The following UBE2V2 variants were observed in gnomAD, a reference collection of about 807,000 sequenced individuals.
UBE2V2 encodes ubiquitin-conjugating enzyme E2 variant 2.
A neutral mutation model predicts 17.2 loss-of-function variants in UBE2V2; 9 were observed. That is an observed-to-expected ratio of 0.52 (90% CI 0.32 to 0.91). The LOEUF (loss-of-function observed/expected upper bound fraction) is 0.91. Among genes scored for constraint, UBE2V2 ranks in the 40% least tolerant of loss-of-function variants. UBE2V2 has a pLI of 0.04. For synonymous variants in UBE2V2, 61 were observed against 57.5 expected (o/e 1.06, Z -0.28); for missense variants, 133 against 182.6 (o/e 0.73, Z 1.56).
intron 1 of UBE2V2, among the ~76,000 whole-genome samples, chr8:48,038,100 C>A (rs752571235): frequency 1.3e-5 from 2 of 152,168 alleles, no homozygotes; most frequent in Admixed American, 1.3e-4. Context: ...CCGTCCAATC[C>A]TCCCTTTTCT....
chr8:48,017,773 A>G (rs746923478), intron 1 of UBE2V2, among the ~76,000 whole-genome samples: 7 of 150,728 alleles, frequency 4.6e-5, no homozygotes, highest in Non-Finnish European at 7.4e-5. Flanking sequence ...TTGAGGTCAT[A>G]TCCTCCAAAA....
intron 1 of UBE2V2, among the ~76,000 whole-genome samples, chr8:48,011,583 C>T (rs2091232004): frequency 1.3e-5 from 2 of 152,192 alleles, no homozygotes; most frequent in Admixed American, 6.6e-5. Flanking sequence ...GTTCAGTGTG[C>T]ATCATATACC....
intron 1 of UBE2V2, among the ~76,000 whole-genome samples, chr8:48,025,067 T>C (rs1376257884): frequency 6.6e-6 from 1 of 151,824 alleles, no homozygotes; most frequent in Non-Finnish European, 1.5e-5. Context: ...CCCGAGTAGC[T>C]GGAACTACAG....
In UBE2V2 at chr8:48,064,494, A is replaced by G. The variant is rs1016711168; in HGVS notation, c.*3666A>G. The G allele has an allele frequency of 6.6e-6, 1 of 152,220 alleles. No homozygotes were observed. The highest frequency in any genetic ancestry group is 2.4e-5 in the African/African-American group (1 of 41,462). The allele number at this position is 152,220 out of a possible 1,614,324, so 9.4% of individuals were successfully genotyped here. A position where few individuals can be genotyped will look rare whatever the true frequency, so the allele number is the denominator to read the frequency against. On this transcript the variant is annotated 3_prime_UTR_variant, in exon 4 of 4. Transcript: ENST00000523111. ...TAAAATAGGAAATGCATAGGAAGGA[A>G]TACCTCCTAAATAATATGCCTTATA...
At chr8:48,002,526 A>C in the UBE2V2 span, among the ~76,000 whole-genome samples, 1 of 151,858 alleles carries the variant, frequency 6.6e-6, no homozygotes, top group African/African-American at 2.4e-5. Context: ...GGTGGCTCAC[A>C]CCTGTAATCC....
chr8:48,057,362 C>T (rs1311855432), intron 3 of UBE2V2, among the ~76,000 whole-genome samples: 1 of 151,920 alleles, frequency 6.6e-6, no homozygotes, highest in African/African-American at 2.4e-5. Flanking sequence ...AGTGCAGTGG[C>T]GTGATCTCAG....
At chr8:47,999,049 G>A in the UBE2V2 span, among the ~76,000 whole-genome samples, 257 of 152,314 alleles carry the variant, frequency 1.7e-3, no homozygotes, top group African/African-American at 5.7e-3. Flanking sequence ...TATGCGGTCT[G>A]AGTGGTTTGT....
At chr8:48,000,555 C>T in the UBE2V2 span, among the ~76,000 whole-genome samples, 1 of 152,140 alleles carries the variant, frequency 6.6e-6, no homozygotes, top group South Asian at 2.1e-4. Flanking sequence ...GGTGCAGTGG[C>T]TCATGCCTGT....
the UBE2V2 span, among the ~76,000 whole-genome samples, chr8:47,999,551 G>A: frequency 3.9e-4 from 59 of 151,736 alleles, no homozygotes; most frequent in African/African-American, 1.4e-3. Flanking sequence ...TAGTAGAGAC[G>A]GGGTTTCACC....
the UBE2V2 span, among the ~76,000 whole-genome samples, chr8:48,001,775 A>C: frequency 6.6e-6 from 1 of 152,226 alleles, no homozygotes; most frequent in East Asian, 1.9e-4. Flanking sequence ...CAAAAGCAAG[A>C]AAGCAAATAA....
chr8:48,058,888 G>A (rs916637753), intron 3 of UBE2V2, among the ~76,000 whole-genome samples: 1 of 151,724 alleles, frequency 6.6e-6, no homozygotes, highest in Non-Finnish European at 1.5e-5. Context: ...TTGTGTTTCT[G>A]GGATAGGTCC....
Position 48,062,547 on chromosome 8 carries a change from A to G in UBE2V2, c.*1719A>G, listed in dbSNP as rs752387998. 2.7e-5 allele frequency: 4 copies of G among 149,978 alleles called. No individual in the cohort carries two copies. Among genetic ancestry groups the G allele is most frequent in the Non-Finnish European group, 4.4e-5 (3 of 67,726 alleles). 9.3% of individuals were successfully genotyped at this position (149,978 alleles called of 1,614,324 possible). ...ACAGAGGTTGCAGTGCCGAGAGCGC[A>G]CCACTGCTCCAGCCTGGGCAACAGA... On this transcript the variant is annotated 3_prime_UTR_variant, in exon 4 of 4. Coordinates refer to ENST00000523111, the MANE Select transcript of UBE2V2 (RefSeq NM_003350.3).
intron 1 of UBE2V2, among the ~76,000 whole-genome samples, chr8:48,015,328 GA>G (rs2154506775): frequency 6.6e-6 from 1 of 152,158 alleles, no homozygotes; most frequent in South Asian, 2.1e-4. Flanking sequence ...AGTGAGCTGT[GA>G]TCGTGTCACT....
intron 1 of UBE2V2, among the ~76,000 whole-genome samples, chr8:48,021,228 C>T (rs1225098343): frequency 6.6e-6 from 1 of 151,678 alleles, no homozygotes; most frequent in Non-Finnish European, 1.5e-5. Context: ...CAGGTGGCCG[C>T]CACCACGCCC....
At chr8:48,029,063 A>G (rs987710726) in intron 1 of UBE2V2, among the ~76,000 whole-genome samples, 5 of 152,136 alleles carry the variant, frequency 3.3e-5, no homozygotes, top group Admixed American at 2.0e-4. Flanking sequence ...TTTAAAAACA[A>G]TAATGTTCAG....
intron 1 of UBE2V2, among the ~76,000 whole-genome samples, chr8:48,023,341 G>C (rs978979853): frequency 6.6e-6 from 1 of 151,590 alleles, no homozygotes; most frequent in African/African-American, 2.4e-5. Flanking sequence ...TCAGCCTCCT[G>C]AGTAGCTGTG....
At chr8:48,044,004 GTC>G (rs2091482056) in intron 2 of UBE2V2, among the ~76,000 whole-genome samples, 1 of 149,460 alleles carries the variant, frequency 6.7e-6, no homozygotes, top group South Asian at 2.1e-4. Context: ...TTTGAAATTT[GTC>G]TCTCTAATGT....
Position 48,060,961 on chromosome 8 carries a change from A to C in UBE2V2, c.*133A>C. On this transcript the variant is annotated 3_prime_UTR_variant, in exon 4 of 4. Transcript: ENST00000523111. ...GGTAAACATGACCTGGACATTTGTA[A>C]GAATATATTTAATATATGTACACCC... 2 of 835,756 alleles carry C rather than the reference A, an allele frequency of 2.4e-6. No individual in the cohort carries two copies. The highest frequency in any genetic ancestry group is 3.3e-6 in the Non-Finnish European group (2 of 608,882). The allele number at this position is 835,756 out of a possible 1,614,324, so 51.8% of individuals were successfully genotyped here. A position where few individuals can be genotyped will look rare whatever the true frequency, so the allele number is the denominator to read the frequency against.
intron 1 of UBE2V2, among the ~76,000 whole-genome samples, chr8:48,009,259 TTTC>T (rs766548889): frequency 3.6e-4 from 55 of 151,622 alleles, no homozygotes; most frequent in Non-Finnish European, 5.2e-4. Flanking sequence ...GCCTTTTTCT[TTTC>T]TTTTCTTTTT....
Sources: gnomAD v4.1 joint callset for allele counts (sites outside exome capture counted in the v4.1 genomes callset) on GRCh38, gnomAD v4.1.1 for gene constraint, MANE v1.5 for transcripts, NCBI Gene and HGNC (gene_info 2026-07-23, HGNC 2026-07-21) for gene names.